The following GABRR2 variants were observed in gnomAD, a reference collection of about 807,000 sequenced individuals.
The protein encoded by GABRR2 is gamma-aminobutyric acid type A receptor subunit rho2, also known as gamma-aminobutyric acid receptor subunit rho-2.
Under a neutral mutation model 47.0 loss-of-function variants are expected in GABRR2, and 36 were observed. The ratio of observed to expected loss-of-function variants is 0.77; its 90% confidence interval spans 0.59 to 1.01. The LOEUF is 1.01. Among genes scored for constraint, GABRR2 ranks in the 50% least tolerant of loss-of-function variants. GABRR2 has a pLI of 0.00. For synonymous variants in GABRR2, 204 were observed against 227.5 expected, an observed-to-expected ratio of 0.90 and a Z score of 0.93; for missense variants, 587 against 594.6, an observed-to-expected ratio of 0.99 and a Z score of 0.13.
chr6:89,282,940 G>A (rs1774274558), intron 2 of GABRR2, among the ~76,000 whole-genome samples: 1 of 152,222 alleles, frequency 6.6e-6, no homozygotes, highest in Non-Finnish European at 1.5e-5. Flanking sequence ...TGACTACGGT[G>A]CCGACTCCAT....
chr6:89,271,053 G>A (rs1240241651), intron 3 of GABRR2, among the ~76,000 whole-genome samples: 1 of 152,206 alleles, frequency 6.6e-6, no homozygotes, highest in Non-Finnish European at 1.5e-5. Context: ...GCTATGGGGA[G>A]GGCCAGAGCT....
chr6:89,297,606 G>A (rs2127846434), intron 2 of GABRR2, among the ~76,000 whole-genome samples: 1 of 152,352 alleles, frequency 6.6e-6, no homozygotes, highest in South Asian at 2.1e-4. Flanking sequence ...TGTAATCCCA[G>A]CACTTTGGGA....
intron 2 of GABRR2, among the ~76,000 whole-genome samples, chr6:89,286,334 C>T (rs754812042): frequency 5.3e-5 from 8 of 152,012 alleles, no homozygotes; most frequent in East Asian, 3.9e-4. Context: ...TTCTGGTGAT[C>T]GAATGTACAG....
intron 1 of GABRR2, among the ~76,000 whole-genome samples, chr6:89,304,662 C>T (rs1412894691): frequency 1.3e-5 from 2 of 150,378 alleles, no homozygotes; most frequent in African/African-American, 2.4e-5. Context: ...AGAAGACATA[C>T]ACTCAGCCAA....
intron 2 of GABRR2, among the ~76,000 whole-genome samples, chr6:89,273,297 A>G (rs143811036): frequency 8.0e-4 from 122 of 152,282 alleles, no homozygotes; most frequent in African/African-American, 2.9e-3. Flanking sequence ...CAGTGGCACA[A>G]TCTTGGCTCA....
At chr6:89,284,342 C>G (rs149609738) in intron 2 of GABRR2, among the ~76,000 whole-genome samples, 1 of 152,158 alleles carries the variant, frequency 6.6e-6, no homozygotes, top group African/African-American at 2.4e-5. Flanking sequence ...GAATAATGCC[C>G]CAGAGATTTA....
intron 2 of GABRR2, among the ~76,000 whole-genome samples, chr6:89,275,771 A>AGTGCTCAT (rs1774148048): frequency 6.6e-6 from 1 of 152,182 alleles, no homozygotes; most frequent in Non-Finnish European, 1.5e-5. Flanking sequence ...TTAGGGCCCA[A>AGTGCTCAT]GTGCTCATTT....
intron 6 of GABRR2, among the ~76,000 whole-genome samples, chr6:89,267,341 G>T (rs1227241628): frequency 6.6e-6 from 1 of 152,076 alleles, no homozygotes; most frequent in Non-Finnish European, 1.5e-5. Context: ...CGAGGTAGGA[G>T]GATTGCTTAA....
chr6:89,282,637 T>C (rs1774269179), intron 2 of GABRR2, among the ~76,000 whole-genome samples: 1 of 152,214 alleles, frequency 6.6e-6, no homozygotes, highest in Non-Finnish European at 1.5e-5. Flanking sequence ...AAAAGTTTGT[T>C]GTTTGGGAGA....
chr6:89,272,738 G>A (rs1418928007), intron 2 of GABRR2, among the ~76,000 whole-genome samples: 2 of 152,208 alleles, frequency 1.3e-5, no homozygotes, highest in East Asian at 1.9e-4. Flanking sequence ...ACCCACTGTG[G>A]TCTGAGCGGG....
chr6:89,265,526 G>C (rs2273507), intron 7 of GABRR2, 87 bp downstream of exon 7: 1,156,748 of 1,433,578 alleles, frequency 0.81, 467,463 homozygotes, highest in Middle Eastern at 0.83. Flanking sequence ...CAGTTAAGAA[G>C]TCTAAGTAAT....
intron 5 of GABRR2, 86 bp downstream of exon 5, chr6:89,267,928 G>T: frequency 1.3e-6 from 2 of 1,564,022 alleles, no homozygotes; most frequent in South Asian, 2.2e-5. Flanking sequence ...TAACGCTGGC[G>T]GGCAGTGCTC....
intron 8 of GABRR2, among the ~76,000 whole-genome samples, chr6:89,258,460 C>A (rs1161893048): frequency 1.3e-5 from 2 of 150,226 alleles, no homozygotes; most frequent in African/African-American, 4.9e-5. Flanking sequence ...AATCTCAGTG[C>A]TTTGGGAGGT....
intron 2 of GABRR2, among the ~76,000 whole-genome samples, chr6:89,273,939 G>A (rs1181803189): frequency 6.6e-6 from 1 of 152,230 alleles, no homozygotes; most frequent in Non-Finnish European, 1.5e-5. Context: ...AAGAGCCGCA[G>A]GGAAGAAACA....
chr6:89,268,894 T>C, intron 4 of GABRR2, 117 bp downstream of exon 4: 1 of 814,412 alleles, frequency 1.2e-6, no homozygotes, highest in Non-Finnish European at 2.0e-6. Flanking sequence ...ATCAGAAGGC[T>C]CCTCCCATCC....
At chr6:89,275,627 T>C (rs1169217298) in intron 2 of GABRR2, among the ~76,000 whole-genome samples, 1 of 152,126 alleles carries the variant, frequency 6.6e-6, no homozygotes, top group Admixed American at 6.5e-5. Flanking sequence ...GGATTGGGGG[T>C]CTAGGTGAAG....
At chr6:89,283,139 C>T (rs1214127814) in intron 2 of GABRR2, among the ~76,000 whole-genome samples, 1 of 151,394 alleles carries the variant, frequency 6.6e-6, no homozygotes, top group East Asian at 1.9e-4. Context: ...TCCAGGATTT[C>T]GTCTTCTGTG....
At position 89,256,240 on chromosome 6, in the gene GABRR2, T is replaced by C. The variant is rs1352324873; in HGVS notation, c.*1430A>G. Among the ~76,000 whole-genome samples, 1 of 151,226 alleles carries C rather than the reference T, an allele frequency of 6.6e-6. No individual in the cohort carries two copies. The highest frequency in any genetic ancestry group is 1.5e-5 in the Non-Finnish European group (1 of 67,890). On this transcript the variant is annotated 3_prime_UTR_variant, in exon 9 of 9. Transcript: ENST00000402938. ...GCTTTCTCCATGAGGTCTGTCTCCCTGGTGGGACTGTTTTTCCTCCCTTGG... is the reference window on the plus strand; with the variant it reads ...GCTTTCTCCATGAGGTCTGTCTCCCCGGTGGGACTGTTTTTCCTCCCTTGG...
chr6:89,302,843 C>A (rs1767480766), intron 1 of GABRR2: 2 of 1,355,758 alleles, frequency 1.5e-6, no homozygotes, highest in South Asian at 1.2e-5. Flanking sequence ...CACCCCCCAG[C>A]CTCAAGATGT....
Sources: gnomAD v4.1 joint callset for allele counts (sites outside exome capture counted in the v4.1 genomes callset) on GRCh38, gnomAD v4.1.1 for gene constraint, MANE v1.5 for transcripts, NCBI Gene and HGNC (gene_info 2026-07-23, HGNC 2026-07-21) for gene names.